The following VPS13A variants were observed in gnomAD, a reference collection of about 807,000 sequenced individuals.
VPS13A encodes the protein vacuolar protein sorting 13 homolog A.
Under a neutral mutation model 390.9 loss-of-function variants are expected in VPS13A, and 264 were observed. That is an observed-to-expected ratio of 0.68 (90% CI 0.61 to 0.75). VPS13A has a LOEUF of 0.75. Among genes scored for constraint, VPS13A ranks in the 30% least tolerant of loss-of-function variants. VPS13A has a pLI of 0.00. For missense variants in VPS13A, 3,409 were observed against 3,733.9 expected (o/e 0.91, Z 2.27); for synonymous variants, 1,231 against 1,227.1 (o/e 1.00, Z -0.07).
At chr9:77,344,904 C>G in intron 51 of VPS13A, 105 bp from the exon 52 acceptor site, 1 of 1,336,514 alleles carries the variant, frequency 7.5e-7, no homozygotes, top group African/African-American at 1.5e-5. Flanking sequence ...TCAGTCATCC[C>G]AAAAATTAAA....
chr9:77,306,871 A>G (rs535621832), intron 34 of VPS13A, among the ~76,000 whole-genome samples: 5 of 151,908 alleles, frequency 3.3e-5, no homozygotes, highest in Non-Finnish European at 7.4e-5. Flanking sequence ...TTGATTTGGG[A>G]CTAAATTTGT....
chr9:77,369,180 G>T, intron 62 of VPS13A, 119 bp from the exon 63 acceptor site: 1 of 745,550 alleles, frequency 1.3e-6, no homozygotes, highest in Non-Finnish European at 2.4e-6. Context: ...GATGGTTTAG[G>T]AGTTGAAATT....
At chr9:77,265,745 A>G (rs1279793437) in intron 23 of VPS13A, among the ~76,000 whole-genome samples, 1 of 152,116 alleles carries the variant, frequency 6.6e-6, no homozygotes, top group Non-Finnish European at 1.5e-5. Flanking sequence ...AAAAACCAGC[A>G]CCTGGATTCA....
chr9:77,213,001 T>A lies in VPS13A; in HGVS notation c.588T>A (p.His196Gln). The A allele has an allele frequency of 6.2e-7, 1 of 1,614,022 alleles. No individual in the cohort carries two copies. The highest frequency in any genetic ancestry group is 1.1e-5 in the South Asian group (1 of 91,080). The change falls in exon 8 of 72, where the codon CAT becomes CAA. Residue 196 changes from histidine to glutamine, a missense_variant. This residue lies in a region of VPS13A where 2,717 missense variants were observed against 2,917.4 expected (regional missense o/e 0.93). Coordinates refer to ENST00000360280, the MANE Select transcript of VPS13A (RefSeq NM_033305.3). ...ATCAATACTGGGTTCCATGTTTACA[T>A]GATGAAACTGAGAAACTGGTTCGTA... ...TTDQYWVPCL[H>Q]DETEKLVRKL...
chr9:77,352,729 G>T (rs185789844), intron 53 of VPS13A, among the ~76,000 whole-genome samples: 1 of 152,154 alleles, frequency 6.6e-6, no homozygotes, highest in Admixed American at 6.5e-5. Context: ...AGTAAGGTAA[G>T]TATCCCCAGA....
intron 23 of VPS13A, among the ~76,000 whole-genome samples, chr9:77,270,847 T>C (rs1047366060): frequency 6.6e-6 from 1 of 152,220 alleles, no homozygotes; most frequent in Non-Finnish European, 1.5e-5. Flanking sequence ...TCAACCCTTA[T>C]CTTATATGCG....
In VPS13A at chr9:77,376,385, G is replaced by A. The variant is rs562753555; in HGVS notation, c.9077+5236G>A. ...TGTGAGCTGGCTGCTGCATTGAGGCGTAACCACAGGGGATTAGGGCAGAAA... is the reference window on the plus strand; with the variant it reads ...TGTGAGCTGGCTGCTGCATTGAGGCATAACCACAGGGGATTAGGGCAGAAA... On this transcript the variant is annotated intron_variant, in intron 67 of 71. Transcript: ENST00000360280. Among the ~76,000 whole-genome samples the A allele has an allele frequency of 5.3e-5, 8 of 152,234 alleles. No homozygotes were observed. In the East Asian group the frequency reaches 7.7e-4, roughly 15 times the overall value.
intron 62 of VPS13A, among the ~76,000 whole-genome samples, chr9:77,368,785 A>C (rs1040953616): frequency 6.6e-6 from 1 of 152,222 alleles, no homozygotes. Flanking sequence ...ACATGAATAT[A>C]ATGTCATATT....
intron 31 of VPS13A, among the ~76,000 whole-genome samples, chr9:77,288,775 A>G (rs1051999310): frequency 6.6e-6 from 1 of 152,184 alleles, no homozygotes; most frequent in African/African-American, 2.4e-5. Flanking sequence ...AGGTTGGTGG[A>G]TAGAATTATT....
At chr9:77,284,496 G>T (rs1412939170) in intron 31 of VPS13A, among the ~76,000 whole-genome samples, 1 of 152,094 alleles carries the variant, frequency 6.6e-6, no homozygotes, top group Non-Finnish European at 1.5e-5. Context: ...TAAGGAACAA[G>T]AAATTTTCCA....
At position 77,337,256 on chromosome 9, in the gene VPS13A, T is replaced by C; in HGVS notation, c.6097T>C (p.Ser2033Pro). ...ACTGTATCATTTAATCTCATGCAGA[T>C]CATTCATTTTTCTGAAGCCAGAAGA... ...EFNIPLGSYR[S>P]FIFLKPEDEN... The change falls in exon 47 of 72, where the codon TCA (serine) becomes CCA (proline). Residue 2033 changes from serine (S) to proline (P), a missense_variant and splice_region_variant. By Grantham distance (74) the Ser-to-Pro change is moderately conservative. This residue lies in a region of VPS13A where 2,717 missense variants were observed against 2,917.4 expected (regional missense o/e 0.93). Transcript: ENST00000360280. The C allele has an allele frequency of 6.2e-7, 1 of 1,610,832 alleles. No homozygotes were observed. The highest frequency in any genetic ancestry group is 8.5e-7 in the Non-Finnish European group (1 of 1,179,320).
chr9:77,308,498 T>G (rs1429113935), intron 35 of VPS13A, among the ~76,000 whole-genome samples: 1 of 152,172 alleles, frequency 6.6e-6, no homozygotes, highest in Non-Finnish European at 1.5e-5. Context: ...AATGAATCTT[T>G]TATATTGATA....
chr9:77,389,017 A>G (rs1833800923), intron 68 of VPS13A, among the ~76,000 whole-genome samples: 1 of 152,194 alleles, frequency 6.6e-6, no homozygotes, highest in African/African-American at 2.4e-5. Context: ...TATTTTCTAC[A>G]TTAAATAGAT....
chr9:77,183,008 C>T (rs1824115413), intron 1 of VPS13A, among the ~76,000 whole-genome samples: 1 of 152,084 alleles, frequency 6.6e-6, no homozygotes, highest in African/African-American at 2.4e-5. Flanking sequence ...ACTAGGGAGC[C>T]AAACAAATGA....
At chr9:77,339,483 A>G in intron 47 of VPS13A, 33 bp from the exon 48 acceptor site, 7 of 1,449,530 alleles carry the variant, frequency 4.8e-6, no homozygotes, top group Non-Finnish European at 6.5e-6. Flanking sequence ...CAACATTTTA[A>G]ATTTTGTTTT....
chr9:77,412,572 T>C (rs1774683099), intron 71 of VPS13A, among the ~76,000 whole-genome samples: 1 of 152,144 alleles, frequency 6.6e-6, no homozygotes, highest in Non-Finnish European at 1.5e-5. Flanking sequence ...TCTCAATAAA[T>C]TAATTAGGTA....
At chr9:77,220,213 T>G in intron 11 of VPS13A, 64 bp from the exon 12 acceptor site, 1 of 1,531,246 alleles carries the variant, frequency 6.5e-7, no homozygotes, top group Non-Finnish European at 8.9e-7. Context: ...AATGTAACTT[T>G]TATCTTCAGC....
At chr9:77,363,259 G>A (rs1345148120) in intron 59 of VPS13A, among the ~76,000 whole-genome samples, 1 of 151,966 alleles carries the variant, frequency 6.6e-6, no homozygotes, top group Non-Finnish European at 1.5e-5. Context: ...TTTTCAGGTT[G>A]AGGAAGTTCT....
At chr9:77,410,137 T>C (rs576115023) in intron 71 of VPS13A, among the ~76,000 whole-genome samples, 1 of 152,280 alleles carries the variant, frequency 6.6e-6, no homozygotes, top group East Asian at 1.9e-4. Flanking sequence ...TGGGGGCCAA[T>C]ATTCAGCATT....
Sources: allele counts gnomAD v4.1 joint callset (sites outside exome capture counted in the v4.1 genomes callset), GRCh38; gene constraint gnomAD v4.1.1; regional missense constraint gnomAD v4.1.1; transcripts MANE v1.5; gene names NCBI Gene and HGNC (gene_info 2026-07-23, HGNC 2026-07-21).